The following LOC128092253 variants were observed in gnomAD, a reference collection of about 807,000 sequenced individuals.
chr6:133,963,410 T>C, the LOC128092253 span, among the ~76,000 whole-genome samples: 1 of 152,148 alleles, frequency 6.6e-6, no homozygotes, highest in Non-Finnish European at 1.5e-5. Context: ...ATCTTGTTTC[T>C]GTTGTTTTGT....
the LOC128092253 span, among the ~76,000 whole-genome samples, chr6:133,953,605 G>A: frequency 6.6e-6 from 1 of 152,140 alleles, no homozygotes; most frequent in Non-Finnish European, 1.5e-5. Context: ...CGGTCCGGTG[G>A]CCGAGGGAGG....
At chr6:133,963,807 G>C in the LOC128092253 span, among the ~76,000 whole-genome samples, 14 of 151,254 alleles carry the variant, frequency 9.3e-5, no homozygotes, top group South Asian at 2.9e-3. Context: ...GAGGCGGGCG[G>C]ATCACAAGGT....
chr6:133,975,136 A>G, the LOC128092253 span, among the ~76,000 whole-genome samples: 1 of 152,174 alleles, frequency 6.6e-6, no homozygotes, highest in Non-Finnish European at 1.5e-5. Flanking sequence ...TCAGCTACTG[A>G]TAGTTTGTTC....
chr6:133,976,121 C>A, the LOC128092253 span, among the ~76,000 whole-genome samples: 1 of 151,862 alleles, frequency 6.6e-6, no homozygotes, highest in African/African-American at 2.4e-5. Context: ...TGTCAAAGGG[C>A]TTGTAGGAAA....
At chr6:133,959,945 C>G in the LOC128092253 span, among the ~76,000 whole-genome samples, 42 of 152,198 alleles carry the variant, frequency 2.8e-4, no homozygotes, top group Non-Finnish European at 1.5e-5. Context: ...CTGTTTGAAA[C>G]TCAGTTAATG....
At chr6:133,980,049 A>G in the LOC128092253 span, 3 of 1,349,194 alleles carry the variant, frequency 2.2e-6, no homozygotes. Context: ...ACAACATTTA[A>G]GTTTAATGAC....
the LOC128092253 span, among the ~76,000 whole-genome samples, chr6:133,976,048 A>C: frequency 6.6e-6 from 1 of 152,238 alleles, no homozygotes; most frequent in African/African-American, 2.4e-5. Flanking sequence ...AGTTAAAAAA[A>C]TCATGTATAA....
chr6:133,961,442 T>C, the LOC128092253 span, among the ~76,000 whole-genome samples: 1 of 151,504 alleles, frequency 6.6e-6, no homozygotes, highest in South Asian at 2.1e-4. Context: ...TCCTTTAAGA[T>C]CTCTTTTTAA....
chr6:133,954,421 G>A, the LOC128092253 span, among the ~76,000 whole-genome samples: 20 of 152,378 alleles, frequency 1.3e-4, no homozygotes, highest in Admixed American at 6.5e-4. Flanking sequence ...GTCTCTTTGA[G>A]AAAATGGCAG....
chr6:133,976,909 C>G, the LOC128092253 span, among the ~76,000 whole-genome samples: 2 of 149,288 alleles, frequency 1.3e-5, no homozygotes, highest in Non-Finnish European at 3.0e-5. Context: ...CGGAGGTTGC[C>G]GTGAGCCAAG....
the LOC128092253 span, among the ~76,000 whole-genome samples, chr6:133,960,024 G>T: frequency 2.6e-5 from 4 of 152,160 alleles, no homozygotes; most frequent in Non-Finnish European, 5.9e-5. Context: ...CTGGTGAGCC[G>T]CAAGCGTTTT....
chr6:133,965,248 G>T, the LOC128092253 span, among the ~76,000 whole-genome samples: 1 of 152,166 alleles, frequency 6.6e-6, no homozygotes. Flanking sequence ...TCTCAGTAAA[G>T]AGATGAAACT....
the LOC128092253 span, among the ~76,000 whole-genome samples, chr6:133,970,643 CT>C: frequency 2.1e-4 from 31 of 151,180 alleles, no homozygotes; most frequent in African/African-American, 7.5e-4. Context: ...GGGTCTCACT[CT>C]GTCACCCAGG....
chr6:133,961,492 G>A, the LOC128092253 span, among the ~76,000 whole-genome samples: 33 of 138,584 alleles, frequency 2.4e-4, no homozygotes, highest in African/African-American at 4.9e-4. Flanking sequence ...TTTTTGAGAC[G>A]GAGTCGTGCT....
chr6:133,964,579 A>T, the LOC128092253 span, among the ~76,000 whole-genome samples: 1 of 150,752 alleles, frequency 6.6e-6, no homozygotes. Context: ...GCCTCCGAGT[A>T]GCTGGGACTA....
At chr6:133,969,691 A>G in the LOC128092253 span, among the ~76,000 whole-genome samples, 1 of 152,178 alleles carries the variant, frequency 6.6e-6, no homozygotes, top group Non-Finnish European at 1.5e-5. Context: ...ACTGACTCCT[A>G]AAATGTCCTC....
chr6:133,960,254 T>C, the LOC128092253 span, among the ~76,000 whole-genome samples: 2 of 152,148 alleles, frequency 1.3e-5, no homozygotes, highest in South Asian at 4.1e-4. Context: ...TCAACAGAAA[T>C]TAGTGTGCTA....
the LOC128092253 span, among the ~76,000 whole-genome samples, chr6:133,971,452 G>A: frequency 2.0e-5 from 3 of 152,152 alleles, no homozygotes; most frequent in African/African-American, 4.8e-5. Context: ...GCTGGATCAT[G>A]TGGTAGTTCT....
the LOC128092253 span, among the ~76,000 whole-genome samples, chr6:133,956,548 AG>A: frequency 1.3e-5 from 2 of 148,616 alleles, no homozygotes; most frequent in African/African-American, 5.2e-5. Context: ...CTTGAGGATC[AG>A]GAGTATGAGT....
Sources: allele counts gnomAD v4.1 joint callset (sites outside exome capture counted in the v4.1 genomes callset), GRCh38; gene constraint gnomAD v4.1.1; transcripts MANE v1.5.